The following HR variants were observed in gnomAD, a reference collection of about 807,000 sequenced individuals.
HR encodes the protein lysine-specific demethylase hairless.
Under a neutral mutation model 128.6 loss-of-function variants are expected in HR, and 83 were observed. The ratio of observed to expected loss-of-function variants is 0.65; its 90% CI spans 0.54 to 0.77. The LOEUF is 0.77. Ranked by LOEUF, HR falls within the 30% of genes least tolerant of loss-of-function variation. The pLI is 0.00. For missense variants in HR, 1,490 were observed against 1,574.6 expected (o/e 0.95, Z 0.91); for synonymous variants, 681 against 658.2 (o/e 1.03, Z -0.53).
intron 9 of HR, 102 bp from the exon 10 acceptor site, chr8:22,121,330 C>A: frequency 7.0e-7 from 1 of 1,433,776 alleles, no homozygotes; most frequent in Non-Finnish European, 9.6e-7. Context: ...CTGGCTGAGC[C>A]CACTCTCCCC....
chr8:22,125,701 G>C lies in HR; in HGVS notation c.1437C>G (p.Asp479Glu). 6.2e-7 allele frequency: 1 copy of C among 1,613,990 alleles called. No homozygotes were observed. Among genetic ancestry groups the C allele is most frequent in the Non-Finnish European group, 8.5e-7 (1 of 1,180,014 alleles). ...GGCATGGTATGTCCTGAAGTCCCGG[G>C]TCCTGGAGACTGGCCTGGCCATCTT... ...GPQDGQASLQ[D>E]PGLQDIPCLA... The change falls in exon 4 of 19, where the codon GAC becomes GAG. Residue 479 changes from aspartate to glutamate, a missense_variant. Asp to Glu is a conservative substitution (Grantham distance 45, BLOSUM62 2). Around this residue, in one of 3 missense-constraint regions of HR, gnomAD observed 1,060 missense variants for 1,060.9 expected, o/e 1.00. Transcript: ENST00000381418.
At chr8:22,119,712 C>T (rs1826685076) in intron 14 of HR, 48 bp downstream of exon 14, 2 of 1,565,580 alleles carry the variant, frequency 1.3e-6, no homozygotes, top group African/African-American at 1.4e-5. Flanking sequence ...AGATGACAGG[C>T]AGACAGGCAT....
intron 8 of HR, among the ~76,000 whole-genome samples, chr8:22,122,239 C>T (rs778430559): frequency 4.3e-4 from 66 of 152,224 alleles, no homozygotes; most frequent in African/African-American, 1.4e-3. Context: ...ATGTGGCAAG[C>T]GCTGAACAAG....
intron 6 of HR, 33 bp downstream of exon 6, chr8:22,123,616 A>AAAACC: frequency 1.8e-6 from 1 of 562,348 alleles, no homozygotes; most frequent in Non-Finnish European, 3.0e-6. Flanking sequence ...TGAGGGCTCC[A>AAAACC]TCCCGCCCTC....
intron 14 of HR, 51 bp from the exon 15 acceptor site, chr8:22,119,334 C>G: frequency 6.2e-7 from 1 of 1,610,562 alleles, no homozygotes. Flanking sequence ...GAGAGCCAGG[C>G]GCGGTTGCTC....
At position 22,122,625 on chromosome 8, in the gene HR, G is replaced by T; in HGVS notation, c.2006-17C>A. ...CTGCCAAAGCTGGGGGTGGGGGTGG[G>T]CAGGAGAGGGAGGTTGGTGGTGAGT... On this transcript the variant is annotated splice_polypyrimidine_tract_variant and intron_variant, in intron 7 of 18. Transcript: ENST00000381418. The T allele has an allele frequency of 2.1e-6, 3 of 1,448,882 alleles. No homozygotes were observed. Among genetic ancestry groups the T allele is most frequent in the Non-Finnish European group, 2.9e-6 (3 of 1,035,310 alleles). The allele number at this position is 1,448,882 out of a possible 1,614,324, so 89.8% of individuals were successfully genotyped here. A position where few individuals can be genotyped will look rare whatever the true frequency, so the allele number is the denominator to read the frequency against.
At position 22,128,648 on chromosome 8, in the gene HR, G is replaced by T; in HGVS notation, c.523C>A (p.His175Asn). 6.3e-7 allele frequency: 1 copy of T among 1,593,162 alleles called. No homozygotes were observed. Among genetic ancestry groups the T allele is most frequent in the Non-Finnish European group, 8.5e-7 (1 of 1,170,614 alleles). ...PYLVSGLPPE[H>N]PCDWPLTPHP... ...GGGGTCAGGGGCCAGTCACATGGAT[G>T]CTCTGGGGGCAGGCCAGACACTAGG... Residue 175 changes from histidine (H) to asparagine (N), a missense_variant, in exon 2 of 19, where the codon CAT (histidine) becomes AAT (asparagine). Physicochemically the swap from His to Asn is moderately conservative, Grantham distance 68. Transcript: ENST00000381418.
At chr8:22,123,617 T>TGGGGGGGGGGCC in intron 6 of HR, 32 bp downstream of exon 6, 4 of 292,084 alleles carry the variant, frequency 1.4e-5, no homozygotes, top group Non-Finnish European at 1.2e-5. Flanking sequence ...GAGGGCTCCA[T>TGGGGGGGGGGCC]CCCGCCCTCC....
At chr8:22,119,307 A>G in intron 14 of HR, 24 bp from the exon 15 acceptor site, 1 of 1,613,166 alleles carries the variant, frequency 6.2e-7, no homozygotes, top group South Asian at 1.1e-5. Context: ...GAGAAAGAAC[A>G]GTTAGAAATG....
chr8:22,126,916 G>T (rs1826905225), intron 3 of HR, 121 bp downstream of exon 3: 2 of 976,014 alleles, frequency 2.0e-6, no homozygotes, highest in East Asian at 2.5e-5. Flanking sequence ...CGTGATCCAG[G>T]TGGGAGCCTG....
rs772669571 is a variant in HR at position 22,115,656 on chromosome 8, T to C, written c.*44A>G. 1.9e-6 allele frequency: 3 copies of C among 1,561,574 alleles called. No individual in the cohort carries two copies. Among genetic ancestry groups the C allele is most frequent in the South Asian group, 2.2e-5 (2 of 90,004 alleles). On this transcript the variant is annotated 3_prime_UTR_variant, in exon 19 of 19. Transcript: ENST00000381418. ...TGAAGTTGTGCCTGGGCTGAGCACC[T>C]GGTCTACCTGTCCCCACCCCGATCC...
chr8:22,115,329 C>T lies in HR; in HGVS notation c.*371G>A, dbSNP rs1205652204. 2 of 384,910 alleles carry T rather than the reference C, an allele frequency of 5.2e-6. No individual in the cohort carries two copies. The highest frequency in any genetic ancestry group is 2.6e-5 in the South Asian group (1 of 38,870). 23.8% of individuals were successfully genotyped at this position (384,910 alleles called of 1,614,324 possible). On this transcript the variant is annotated 3_prime_UTR_variant, in exon 19 of 19. Transcript: ENST00000381418. ...GTAGAGTGGGCTCAGCGGGAGTGAG[C>T]AGCAGGAGGAGGTGTTGTTTAAGCC...
rs372277448 is a variant in HR at position 22,120,182 on chromosome 8, G to A, written c.2777-9C>T. 4 of 1,594,080 alleles carry A rather than the reference G, an allele frequency of 2.5e-6. No homozygotes were observed. Among genetic ancestry groups the A allele is most frequent in the African/African-American group, 1.3e-5 (1 of 74,924 alleles). ...GTCTGACTTTGGGCGAACTACAGGA[G>A]GAGACAGAACGGCCATTGGCCTCCT... On this transcript the variant is annotated splice_polypyrimidine_tract_variant and intron_variant, in intron 12 of 18. Transcript: ENST00000381418.
intron 2 of HR, 24 bp from the exon 3 acceptor site, chr8:22,127,853 G>A (rs780976535): frequency 3.8e-6 from 6 of 1,596,878 alleles, no homozygotes; most frequent in African/African-American, 1.3e-5. Flanking sequence ...AAAGTGTTAC[G>A]CTTCAGCTGA....
rs1190195461 is a variant in HR, at chr8:22,122,403, T to C, written c.2121+90A>G. 5 of 879,904 alleles carry C rather than the reference T, an allele frequency of 5.7e-6. No individual in the cohort carries two copies. The East Asian group carries it at 1.3e-4, about 23-fold the overall frequency. The allele number at this position is 879,904 out of a possible 1,614,324, so 54.5% of individuals were successfully genotyped here. On this transcript the variant is annotated intron_variant, in intron 8 of 18. Transcript: ENST00000381418. Reference sequence around the variant, plus strand: ...GATCCCACAGGCTTCTCTCTCTTCATCCCCACCAAGAAAAGGGGGGGCCAA... The same window carrying C: ...GATCCCACAGGCTTCTCTCTCTTCACCCCCACCAAGAAAAGGGGGGGCCAA...
intron 2 of HR, chr8:22,128,242 C>G (rs761706065): frequency 3.8e-5 from 20 of 531,712 alleles, no homozygotes; most frequent in East Asian, 1.3e-4. Context: ...GATAGAGGGC[C>G]CTTGTCTGCC....
Position 22,123,684 on chromosome 8 carries a change from C to T in HR, c.1880G>A (p.Arg627His), listed in dbSNP as rs555198344. The part of the protein sequence containing the change: ...CSHRLCVACG[R>H]VAGTGRAREK... ...CCTGGCCCGCCCAGTGCCTGCCACA[C>T]GACCACAGGCCACACACAGCCGGTG... is the stretch of plus-strand genomic sequence containing the variant. The change falls in exon 6 of 19, where the codon CGT becomes CAT. Residue 627 changes from arginine (R) to histidine (H), a missense_variant. By Grantham distance (29) the Arg-to-His change is conservative (BLOSUM62 0). Around this residue, in one of 3 missense-constraint regions of HR, gnomAD observed 1,060 missense variants for 1,060.9 expected, o/e 1.00. Coordinates refer to ENST00000381418, the MANE Select transcript of HR (RefSeq NM_005144.5). 1.7e-5 allele frequency: 27 copies of T among 1,549,632 alleles called. No individual in the cohort carries two copies. Among genetic ancestry groups the T allele is most frequent in the East Asian group, 9.5e-5 (4 of 42,012 alleles).
In HR at chr8:22,127,480, A is replaced by T; in HGVS notation, c.962T>A (p.Val321Asp). ...GGATGAACAGCAGCCCCGCTGGGTG[A>T]CAGGCGGCTCAGGAGAGGGGCACCT... ...TPRCPSPEPPVTQRGCCSSYP... is the reference protein window; with the variant it reads ...TPRCPSPEPPDTQRGCCSSYP... Residue 321 changes from valine (V) to aspartate (D), a missense_variant, in exon 3 of 19, where the codon GTC (valine) becomes GAC (aspartate). Val to Asp is a radical substitution (Grantham distance 152). This residue lies in a region of HR where 1,060 missense variants were observed against 1,060.9 expected (regional missense o/e 1.00). Transcript: ENST00000381418. 4 of 1,611,244 alleles carry T rather than the reference A, an allele frequency of 2.5e-6. No homozygotes were observed. In the South Asian group the frequency reaches 4.4e-5, roughly 18 times the overall value.
chr8:22,126,800 T>C (rs890834366), intron 3 of HR, among the ~76,000 whole-genome samples: 1 of 152,200 alleles, frequency 6.6e-6, no homozygotes, highest in Non-Finnish European at 1.5e-5. Flanking sequence ...CTGAACTATG[T>C]CATTATACTG....
Sources: allele counts gnomAD v4.1 joint callset (sites outside exome capture counted in the v4.1 genomes callset), GRCh38; gene constraint gnomAD v4.1.1; regional missense constraint gnomAD v4.1.1; transcripts MANE v1.5; gene names NCBI Gene and HGNC (gene_info 2026-07-23, HGNC 2026-07-21).